The following CRISP2 variants were observed in gnomAD, a reference collection of about 807,000 sequenced individuals.
CRISP2 encodes cysteine rich secretory protein 2, also known as cysteine-rich secretory protein 2.
Under a neutral mutation model 31.7 loss-of-function variants are expected in CRISP2, and 29 were observed. The observed-to-expected ratio is 0.92, with a 90% CI of 0.68 to 1.25. The LOEUF (loss-of-function observed/expected upper bound fraction) is 1.25. CRISP2 is among the 50% of genes most tolerant of loss of function. The pLI is 0.00. For missense variants in CRISP2, 318 were observed against 286.5 expected, an observed-to-expected ratio of 1.11 and a Z score of -0.79; for synonymous variants, 111 against 101.4, an observed-to-expected ratio of 1.09 and a Z score of -0.57.
intron 1 of CRISP2, among the ~76,000 whole-genome samples, chr6:49,712,834 C>T (rs1169020100): frequency 6.6e-6 from 1 of 152,170 alleles, no homozygotes; most frequent in Non-Finnish European, 1.5e-5. Flanking sequence ...AAGTGGACTT[C>T]TTGAAGTTCA....
chr6:49,688,978 CCTG>C (rs2127378467), downstream of CRISP2, among the ~76,000 whole-genome samples: 1 of 152,214 alleles, frequency 6.6e-6, no homozygotes, highest in South Asian at 2.1e-4. Flanking sequence ...AAGCGATTCT[CCTG>C]CCTCAGCCTC....
Position 49,700,747 on chromosome 6 carries a change from T to G in CRISP2, c.104A>C (p.Gln35Pro). The G allele has an allele frequency of 6.2e-7, 1 of 1,612,212 alleles. No homozygotes were observed. Among genetic ancestry groups the G allele is most frequent in the Non-Finnish European group, 8.5e-7 (1 of 1,178,830 alleles). ...TTTATTTACAATCTCCCTTTGCACTTGCAACTGGGTGGTTAACAAAGCAGT... is the reference window on the plus strand; with the variant it reads ...TTTATTTACAATCTCCCTTTGCACTGGCAACTGGGTGGTTAACAAAGCAGT... ...AFTALLTTQL[Q>P]VQREIVNKHN... The change falls in exon 5 of 10, where the codon CAA (glutamine) becomes CCA (proline). Residue 35 changes from glutamine (Q) to proline (P), a missense_variant. By Grantham distance (76) the Gln-to-Pro change is moderately conservative. Transcript: ENST00000339139.
At chr6:49,706,744 C>T (rs1385712095) in intron 4 of CRISP2, among the ~76,000 whole-genome samples, 1 of 152,196 alleles carries the variant, frequency 6.6e-6, no homozygotes, top group African/African-American at 2.4e-5. Context: ...TCCTCCCATA[C>T]TGAGTTCATT....
chr6:49,680,581 G>T, the CRISP2 span, among the ~76,000 whole-genome samples: 1 of 152,174 alleles, frequency 6.6e-6, no homozygotes, highest in Non-Finnish European at 1.5e-5. Flanking sequence ...TTGCCACACT[G>T]TCATCTACAA....
At chr6:49,707,263 A>T (rs557042950) in intron 4 of CRISP2, among the ~76,000 whole-genome samples, 3 of 152,218 alleles carry the variant, frequency 2.0e-5, no homozygotes, top group African/African-American at 7.2e-5. Flanking sequence ...AATACACATG[A>T]TAACAAAACT....
rs1194411376 is a variant in CRISP2, at chr6:49,709,113, T to A, written c.66+18A>T. 1 of 1,611,464 alleles carries A rather than the reference T, an allele frequency of 6.2e-7. No individual in the cohort carries two copies. The highest frequency in any genetic ancestry group is 8.5e-7 in the Non-Finnish European group (1 of 1,177,730). ...AGTTGCTGGATAGCTCTGAAAAGAT[T>A]TTCCATTTTAACCTTACCTTTCCTT... On this transcript the variant is annotated intron_variant, in intron 4 of 9. Coordinates refer to ENST00000339139, the MANE Select transcript of CRISP2 (RefSeq NM_003296.4).
chr6:49,706,932 A>G (rs1034818292), intron 4 of CRISP2, among the ~76,000 whole-genome samples: 6 of 152,206 alleles, frequency 3.9e-5, no homozygotes, highest in African/African-American at 1.4e-4. Context: ...TGTGCATATA[A>G]AATATCAGTA....
intron 4 of CRISP2, among the ~76,000 whole-genome samples, chr6:49,708,776 ATAT>A (rs1445906862): frequency 1.3e-5 from 2 of 152,224 alleles, no homozygotes; most frequent in Admixed American, 6.5e-5. Context: ...AATATCCAAA[ATAT>A]TATCATTTCA....
In CRISP2 at chr6:49,692,793, A is replaced by T; in HGVS notation, c.712T>A (p.Cys238Ser). Residue 238 changes from cysteine (C) to serine (S), a missense_variant, in exon 10 of 10, where the codon TGT becomes AGT. By Grantham distance (112) the Cys-to-Ser change is moderately radical. Transcript: ENST00000339139. ...GTAAATCAGTAAATTTTGTTCTCAC[A>T]TAGGCAAGTAGCCTTGCACTTTTCC... ...LKEKCKATCL[C>S]ENKIY 1 of 1,613,526 alleles carries T rather than the reference A, an allele frequency of 6.2e-7. No homozygotes were observed. Among genetic ancestry groups the T allele is most frequent in the South Asian group, 1.1e-5 (1 of 91,044 alleles).
At position 49,701,704 on chromosome 6, in the gene CRISP2, G is replaced by GTATACATTATA. The variant is rs1561876652; in HGVS notation, c.67-921_67-920insTATAATGTATA. 5.5e-4 allele frequency among the ~76,000 whole-genome samples: 34 copies of GTATACATTATA among 62,136 alleles called. 8 individuals are homozygous for GTATACATTATA. The highest frequency in any genetic ancestry group is 1.1e-3 in the East Asian group (2 of 1,868). The allele number at this position is 62,136 out of a possible 152,430, so 40.8% of individuals were successfully genotyped here. Reference sequence around the variant, plus strand: ...TATACATTATATATGTATACATTATGTATACATATATAATGTATATATAAT... The same window carrying GTATACATTATA: ...TATACATTATATATGTATACATTATGTATACATTATATATACATATATAATGTATATATAAT... On this transcript the variant is annotated intron_variant, in intron 4 of 9. Transcript: ENST00000339139.
At chr6:49,703,266 TG>T (rs1166675981) in intron 4 of CRISP2, among the ~76,000 whole-genome samples, 5 of 152,082 alleles carry the variant, frequency 3.3e-5, no homozygotes, top group Non-Finnish European at 5.9e-5. Flanking sequence ...CTTCCAGACT[TG>T]TTCTTTTTGT....
At chr6:49,697,480 A>G (rs900171131) in intron 8 of CRISP2, among the ~76,000 whole-genome samples, 2 of 152,050 alleles carry the variant, frequency 1.3e-5, no homozygotes, top group African/African-American at 2.4e-5. Flanking sequence ...ATCACAATCC[A>G]TCTTCCATTT....
chr6:49,692,761 T>C lies in CRISP2; in HGVS notation c.*12A>G. The C allele has an allele frequency of 6.2e-7, 1 of 1,611,040 alleles. No homozygotes were observed. The highest frequency in any genetic ancestry group is 1.7e-4 in the Middle Eastern group (1 of 6,044). On this transcript the variant is annotated 3_prime_UTR_variant, in exon 10 of 10. Transcript: ENST00000339139. ...TTATCCATGCAGTCTTGCACAATGCTCACTAGGTAAATCAGTAAATTTTGT... is the reference window on the plus strand; with the variant it reads ...TTATCCATGCAGTCTTGCACAATGCCCACTAGGTAAATCAGTAAATTTTGT...
intron 8 of CRISP2, 137 bp from the exon 9 acceptor site, chr6:49,696,061 ATG>A (rs1328420368): frequency 3.7e-6 from 2 of 541,352 alleles, no homozygotes; most frequent in African/African-American, 3.9e-5. Flanking sequence ...ACAATTCCCA[ATG>A]TGTATTTCAG....
At chr6:49,682,828 A>ATCCCTTCT in the CRISP2 span, among the ~76,000 whole-genome samples, 530 of 120,628 alleles carry the variant, frequency 4.4e-3, 1 homozygote, top group African/African-American at 0.017. Flanking sequence ...CCTTCCCTCC[A>ATCCCTTCT]TCCCTTCCTC....
downstream of CRISP2, among the ~76,000 whole-genome samples, chr6:49,688,616 T>C (rs537288998): frequency 1.3e-5 from 2 of 152,258 alleles, no homozygotes; most frequent in South Asian, 4.1e-4. Flanking sequence ...TGAGTGGGGA[T>C]TGCCTCTAAA....
rs1052331735 is a variant in CRISP2 at position 49,700,003 on chromosome 6, A to G, written c.184-112T>C. The G allele has an allele frequency of 1.1e-4, 93 of 878,756 alleles. No individual in the cohort carries two copies. In the Admixed American group the frequency reaches 2.2e-3, roughly 20 times the overall value. The allele number at this position is 878,756 out of a possible 1,614,324, so 54.4% of individuals were successfully genotyped here. A position where few individuals can be genotyped will look rare whatever the true frequency, so the allele number is the denominator to read the frequency against. ...AATTTCTGTAGATGTATTCTCTAAT[A>G]CTACTGTTATTAAAATGTTTTTAAG... is the stretch of plus-strand genomic sequence containing the variant. On this transcript the variant is annotated intron_variant, in intron 5 of 9. Coordinates refer to ENST00000339139, the MANE Select transcript of CRISP2 (RefSeq NM_003296.4).
Position 49,695,836 on chromosome 6 carries a change from T to C in CRISP2, c.604A>G (p.Thr202Ala). The change falls in exon 9 of 10, where the codon ACC becomes GCC. Residue 202 changes from threonine to alanine, a missense_variant and splice_region_variant. Coordinates refer to ENST00000339139, the MANE Select transcript of CRISP2 (RefSeq NM_003296.4). ...CPDDCDKGLC[T>A]NSCQYQDLLS... ...AGCAAGCTAATCACTTCAAACTTAC[T>C]GCATAGTCCTTTGTCACAGTCATCA... 6.2e-7 allele frequency: 1 copy of C among 1,602,144 alleles called. No individual in the cohort carries two copies. The highest frequency in any genetic ancestry group is 1.7e-4 in the Middle Eastern group (1 of 6,034).
intron 4 of CRISP2, among the ~76,000 whole-genome samples, chr6:49,702,073 A>T (rs1766082438): frequency 8.7e-6 from 1 of 114,454 alleles, no homozygotes. Context: ...ACATTAATAT[A>T]ATGTAATATA....
Sources: allele counts gnomAD v4.1 joint callset (sites outside exome capture counted in the v4.1 genomes callset), GRCh38; gene constraint gnomAD v4.1.1; transcripts MANE v1.5; gene names NCBI Gene and HGNC (gene_info 2026-07-23, HGNC 2026-07-21).